The following SOX6 variants were observed in gnomAD, a reference collection of about 807,000 sequenced individuals.
The protein encoded by SOX6 is transcription factor SOX-6.
Under a neutral mutation model 97.8 loss-of-function variants are expected in SOX6, and 11 were observed. The ratio of observed to expected loss-of-function variants is 0.11; its 90% confidence interval spans 0.07 to 0.19. The LOEUF is 0.19. SOX6 is among the 10% of genes least tolerant of loss of function. The pLI, the probability that SOX6 is intolerant of heterozygous loss-of-function variation, is 1.00. For missense variants in SOX6, 810 were observed against 1,039.5 expected (o/e 0.78, Z 3.04); for synonymous variants, 360 against 371.4 (o/e 0.97, Z 0.35).
chr11:16,029,496 C>G (rs557919689), intron 12 of SOX6, among the ~76,000 whole-genome samples: 1 of 151,992 alleles, frequency 6.6e-6, no homozygotes, highest in Non-Finnish European at 1.5e-5. Context: ...ATTAGCCGGG[C>G]GTGGTAGCGG....
chr11:15,988,862 C>G, intron 14 of SOX6, 135 bp downstream of exon 14: 1 of 821,066 alleles, frequency 1.2e-6, no homozygotes, highest in East Asian at 2.5e-5. Flanking sequence ...CCTGCGGCAG[C>G]TGGCTGACCT....
intron 7 of SOX6, among the ~76,000 whole-genome samples, chr11:16,101,787 A>G (rs1291514198): frequency 6.6e-6 from 1 of 151,916 alleles, no homozygotes; most frequent in African/African-American, 2.4e-5. Flanking sequence ...TCACATGATC[A>G]TCTCAATATA....
At position 15,971,737 on chromosome 11, in the gene SOX6, G is replaced by C. The variant is rs1853319496; in HGVS notation, c.*1072C>G. The C allele has an allele frequency of 2.0e-5, 3 of 152,608 alleles. No individual in the cohort carries two copies. Among genetic ancestry groups the C allele is most frequent in the Admixed American group, 6.5e-5 (1 of 15,280 alleles). The allele number at this position is 152,608 out of a possible 1,614,324, so 9.5% of individuals were successfully genotyped here. The stretch of plus-strand genomic sequence containing the variant: ...ACATAAAATCACTATGTACACAGGA[G>C]AAGGAGGTGAAAAGGACGGAAAAGT... On this transcript the variant is annotated 3_prime_UTR_variant, in exon 16 of 16. Transcript: ENST00000683767.
chr11:16,667,678 C>T (rs1847817518), intron 3 of SOX6, among the ~76,000 whole-genome samples: 2 of 152,092 alleles, frequency 1.3e-5, no homozygotes, highest in East Asian at 1.9e-4. Context: ...ACAAAAAATG[C>T]TAAGGGGAGT....
chr11:15,995,901 T>C (rs2119847327), intron 13 of SOX6, among the ~76,000 whole-genome samples: 1 of 152,252 alleles, frequency 6.6e-6, no homozygotes, highest in Middle Eastern at 3.4e-3. Flanking sequence ...ATATGAAATA[T>C]ACTCTCAAAT....
At chr11:16,608,913 T>G (rs963634633) in intron 4 of SOX6, among the ~76,000 whole-genome samples, 1 of 152,202 alleles carries the variant, frequency 6.6e-6, no homozygotes, top group Non-Finnish European at 1.5e-5. Flanking sequence ...TTGTTGAAGA[T>G]GAAAACAGTT....
chr11:16,018,229 G>T (rs913279978), intron 12 of SOX6, among the ~76,000 whole-genome samples: 22 of 152,018 alleles, frequency 1.4e-4, no homozygotes, highest in African/African-American at 5.1e-4. Flanking sequence ...AGTCAATGAC[G>T]GGGCAGCCTC....
At chr11:16,694,852 A>C (rs1427090317) in intron 3 of SOX6, among the ~76,000 whole-genome samples, 2 of 152,242 alleles carry the variant, frequency 1.3e-5, no homozygotes, top group Admixed American at 1.3e-4. Context: ...GAATGGTTGT[A>C]TCTGTACTGA....
intron 4 of SOX6, among the ~76,000 whole-genome samples, chr11:16,227,289 T>C (rs550652009): frequency 6.6e-6 from 1 of 152,314 alleles, no homozygotes; most frequent in Admixed American, 6.5e-5. Context: ...TAGGAGATCA[T>C]GAAGATAACA....
At chr11:16,502,909 G>A (rs1048022207) in intron 4 of SOX6, among the ~76,000 whole-genome samples, 3 of 152,028 alleles carry the variant, frequency 2.0e-5, no homozygotes, top group East Asian at 1.9e-4. Flanking sequence ...TCTTCTCCAC[G>A]GTACATTATA....
intron 9 of SOX6, among the ~76,000 whole-genome samples, chr11:16,069,307 T>C (rs959260100): frequency 1.3e-5 from 2 of 152,176 alleles, no homozygotes; most frequent in African/African-American, 4.8e-5. Flanking sequence ...GAACAGTAAG[T>C]AGAATGAAAT....
intron 3 of SOX6, among the ~76,000 whole-genome samples, chr11:16,293,486 T>C (rs1375817539): frequency 6.6e-6 from 1 of 152,154 alleles, no homozygotes; most frequent in East Asian, 1.9e-4. Context: ...AGCACTGCCC[T>C]ACTTGTTTCT....
rs907732560 is a variant in SOX6, at chr11:16,712,685, G to C, written n.429+2145C>G. On this transcript the variant is annotated intron_variant and non_coding_transcript_variant, in intron 3 of 5. Coordinates refer to the SOX6 transcript ENST00000524520. The stretch of plus-strand genomic sequence containing the variant: ...TACCTAGCTAGCTCCACCTCACCCT[G>C]AATCACTACCTTTTGAAGCAGACCC... Among the ~76,000 whole-genome samples, 5 of 152,192 alleles carry C rather than the reference G, an allele frequency of 3.3e-5. No individual in the cohort carries two copies. The East Asian group carries it at 9.6e-4, about 29-fold the overall frequency.
intron 4 of SOX6, among the ~76,000 whole-genome samples, chr11:16,208,119 TA>T (rs1565020570): frequency 6.6e-6 from 1 of 152,166 alleles, no homozygotes; most frequent in Non-Finnish European, 1.5e-5. Context: ...TTAAAGAAAT[TA>T]ATTTCCTTCT....
intron 3 of SOX6, among the ~76,000 whole-genome samples, chr11:16,254,093 A>G (rs1044649374): frequency 6.8e-6 from 1 of 147,454 alleles, no homozygotes; most frequent in Non-Finnish European, 1.5e-5. Flanking sequence ...TAAAGTGATG[A>G]AAAAAAAAAC....
At chr11:16,152,031 A>G (rs1850471548) in intron 6 of SOX6, among the ~76,000 whole-genome samples, 1 of 152,128 alleles carries the variant, frequency 6.6e-6, no homozygotes, top group Admixed American at 6.6e-5. Flanking sequence ...TCTAAAGTCA[A>G]TTTTTGTCTC....
chr11:16,587,436 A>ATT (rs1251045628), intron 4 of SOX6, among the ~76,000 whole-genome samples: 1 of 152,218 alleles, frequency 6.6e-6, no homozygotes, highest in African/African-American at 2.4e-5. Flanking sequence ...TTCCAAGTGT[A>ATT]TTAGCTTAAT....
upstream of SOX6, among the ~76,000 whole-genome samples, chr11:16,481,086 C>T (rs1018349100): frequency 6.6e-6 from 1 of 152,012 alleles, no homozygotes; most frequent in Admixed American, 6.6e-5. Flanking sequence ...AAAACTATTG[C>T]TATTTCCTCC....
chr11:16,235,307 C>G (rs1852982488), intron 3 of SOX6, among the ~76,000 whole-genome samples: 1 of 151,870 alleles, frequency 6.6e-6, no homozygotes, highest in Non-Finnish European at 1.5e-5. Flanking sequence ...TTATTATTTG[C>G]CCCACTGTAT....
Sources: gnomAD v4.1 joint callset for allele counts (sites outside exome capture counted in the v4.1 genomes callset) on GRCh38, gnomAD v4.1.1 for gene constraint, MANE v1.5 for transcripts, NCBI Gene and HGNC (gene_info 2026-07-23, HGNC 2026-07-21) for gene names.